RAP1A: variants seen among roughly 807,000 people sequenced by gnomAD.
RAP1A encodes the protein ras-related protein Rap-1A.
A neutral mutation model predicts 26.4 loss-of-function variants in RAP1A; 6 were observed. The ratio of observed to expected loss-of-function variants is 0.23; its 90% CI spans 0.12 to 0.45. The LOEUF (loss-of-function observed/expected upper bound fraction) is 0.45, where lower values mean the gene tolerates loss of function less well. RAP1A is among the 20% of genes least tolerant of loss of function. The pLI, the probability that RAP1A is intolerant of heterozygous loss-of-function variation, is 0.99. For missense variants in RAP1A, 121 were observed against 217.2 expected, an observed-to-expected ratio of 0.56 and a Z score of 2.78; for synonymous variants, 73 against 79.4, an observed-to-expected ratio of 0.92 and a Z score of 0.43.
At chr1:111,678,933 T>C (rs981337202) in intron 1 of RAP1A, among the ~76,000 whole-genome samples, 1 of 152,076 alleles carries the variant, frequency 6.6e-6, no homozygotes, top group African/African-American at 2.4e-5. Context: ...CTTAGTGCAA[T>C]GTCAATAGAA....
chr1:111,622,397 T>G (rs1353588919), intron 1 of RAP1A, among the ~76,000 whole-genome samples: 1 of 152,120 alleles, frequency 6.6e-6, no homozygotes, highest in Non-Finnish European at 1.5e-5. Context: ...GCCTCCTACA[T>G]CCCAAAAAGG....
chr1:111,600,393 T>G (rs1658647607), intron 1 of RAP1A, among the ~76,000 whole-genome samples: 1 of 152,224 alleles, frequency 6.6e-6, no homozygotes, highest in Admixed American at 6.5e-5. Flanking sequence ...AGAGTTTCCC[T>G]TAAGTGTAAA....
intron 1 of RAP1A, among the ~76,000 whole-genome samples, chr1:111,562,056 C>T (rs1160171504): frequency 6.6e-6 from 1 of 152,156 alleles, no homozygotes; most frequent in African/African-American, 2.4e-5. Context: ...TCAACTGGGA[C>T]AGCCACCCCA....
Position 111,695,052 on chromosome 1 carries a change from ATTAG to A in RAP1A, c.58-286_58-283del, listed in dbSNP as rs561815841. Among the ~76,000 whole-genome samples the A allele has an allele frequency of 3.4e-4, 52 of 152,320 alleles. No homozygotes were observed. The South Asian group carries it at 0.01, about 30-fold the overall frequency. The stretch of plus-strand genomic sequence containing the variant: ...AATATTGATAATTTTTCATGTTTTA[ATTAG>A]TTCAGATATGTTATTTGTATCCTTG... On this transcript the variant is annotated intron_variant, in intron 2 of 7. Coordinates refer to ENST00000369709, the MANE Select transcript of RAP1A (RefSeq NM_002884.4).
At chr1:111,610,542 AC>A (rs1411008429) in intron 1 of RAP1A, among the ~76,000 whole-genome samples, 1 of 53,280 alleles carries the variant, frequency 1.9e-5, no homozygotes, top group East Asian at 4.3e-4. Flanking sequence ...CAACACACAC[AC>A]ACACACACAC....
At chr1:111,704,310 T>A in intron 5 of RAP1A, 33 bp from the exon 6 acceptor site, 2 of 1,607,822 alleles carry the variant, frequency 1.2e-6, no homozygotes, top group South Asian at 1.1e-5. Context: ...ATGAGTATGT[T>A]ATTGTTCATT....
At chr1:111,597,447 G>T (rs773086458) in intron 1 of RAP1A, among the ~76,000 whole-genome samples, 8 of 152,086 alleles carry the variant, frequency 5.3e-5, no homozygotes, top group African/African-American at 1.4e-4. Context: ...GGATTTTGTC[G>T]TAATCCTACA....
At chr1:111,664,160 G>T (rs1186730755) in intron 1 of RAP1A, among the ~76,000 whole-genome samples, 1 of 152,022 alleles carries the variant, frequency 6.6e-6, no homozygotes, top group Non-Finnish European at 1.5e-5. Flanking sequence ...GATCACCTGA[G>T]GTCAGGAGTT....
chr1:111,596,366 G>C (rs1034810216), intron 1 of RAP1A, among the ~76,000 whole-genome samples: 2 of 152,122 alleles, frequency 1.3e-5, no homozygotes, highest in African/African-American at 4.8e-5. Context: ...GTTTTTCCTA[G>C]GCCAATCCTT....
chr1:111,671,536 G>A (rs1360525002), intron 1 of RAP1A, among the ~76,000 whole-genome samples: 3 of 151,888 alleles, frequency 2.0e-5, no homozygotes, highest in East Asian at 1.9e-4. Flanking sequence ...GTGCGGTGGC[G>A]TGATCTTGGC....
intron 1 of RAP1A, among the ~76,000 whole-genome samples, chr1:111,650,731 C>A (rs994724081): frequency 9.2e-5 from 14 of 152,046 alleles, no homozygotes; most frequent in African/African-American, 3.1e-4. Context: ...CCTTAGAGTT[C>A]ACTTTTGGTT....
intron 1 of RAP1A, among the ~76,000 whole-genome samples, chr1:111,659,614 CTT>C (rs1169626020): frequency 1.3e-5 from 2 of 151,604 alleles, no homozygotes; most frequent in Non-Finnish European, 2.9e-5. Context: ...TGGACAGTCT[CTT>C]TTAATTGGTG....
intron 1 of RAP1A, among the ~76,000 whole-genome samples, chr1:111,666,577 TTA>T (rs1490863861): frequency 2.0e-5 from 3 of 152,192 alleles, no homozygotes; most frequent in Non-Finnish European, 4.4e-5. Context: ...TCTGAGATTA[TTA>T]TATGTGGCAA....
chr1:111,640,721 A>C (rs893560737), intron 1 of RAP1A, among the ~76,000 whole-genome samples: 3 of 152,212 alleles, frequency 2.0e-5, no homozygotes, highest in African/African-American at 7.2e-5. Context: ...GCACTTTGGA[A>C]GGCCAAGGTA....
intron 1 of RAP1A, among the ~76,000 whole-genome samples, chr1:111,581,261 T>C (rs1298769543): frequency 1.3e-5 from 2 of 152,204 alleles, no homozygotes; most frequent in Non-Finnish European, 2.9e-5. Flanking sequence ...CATATTTTTA[T>C]GATAGAAAGG....
At chr1:111,618,248 A>G (rs888336177), upstream of RAP1A, among the ~76,000 whole-genome samples, 1 of 152,044 alleles carries the variant, frequency 6.6e-6, no homozygotes, top group East Asian at 1.9e-4. Context: ...CTATGACTCC[A>G]CTGAAACTGT....
intron 1 of RAP1A, among the ~76,000 whole-genome samples, chr1:111,673,209 C>G (rs1050621626): frequency 1.3e-5 from 2 of 152,194 alleles, no homozygotes; most frequent in African/African-American, 2.4e-5. Context: ...TCACTCCCCT[C>G]CCCACCAGCA....
intron 1 of RAP1A, chr1:111,648,374 A>G (rs770483530): frequency 5.5e-5 from 35 of 641,702 alleles, no homozygotes; most frequent in African/African-American, 3.8e-4. Context: ...GATGGTTCGC[A>G]TGGAGTTGCT....
chr1:111,577,177 C>T (rs536183290), intron 1 of RAP1A, among the ~76,000 whole-genome samples: 70 of 151,824 alleles, frequency 4.6e-4, no homozygotes, highest in Non-Finnish European at 8.7e-4. Context: ...TCGAGGCAGG[C>T]GGATCACCGG....
Sources: allele counts gnomAD v4.1 joint callset (sites outside exome capture counted in the v4.1 genomes callset), GRCh38; gene constraint gnomAD v4.1.1; transcripts MANE v1.5; gene names NCBI Gene and HGNC (gene_info 2026-07-23, HGNC 2026-07-21).